The following KCNN1 variants were observed in gnomAD, a reference collection of about 807,000 sequenced individuals.
The protein encoded by KCNN1 is small conductance calcium-activated potassium channel protein 1.
A neutral mutation model predicts 44.7 loss-of-function variants in KCNN1; 20 were observed. That is an observed-to-expected ratio of 0.45 (90% CI 0.32 to 0.65). The LOEUF (loss-of-function observed/expected upper bound fraction) is 0.65. KCNN1 is among the 30% of genes least tolerant of loss of function. KCNN1 has a pLI of 0.05. For missense variants in KCNN1, 632 were observed against 785.3 expected (o/e 0.80, Z 2.33); for synonymous variants, 324 against 341.7 (o/e 0.95, Z 0.57).
At chr19:17,989,969 A>G in intron 7 of KCNN1, 126 bp downstream of exon 7, 1 of 1,363,876 alleles carries the variant, frequency 7.3e-7, no homozygotes, top group South Asian at 1.2e-5. Flanking sequence ...TGGGGCCTGC[A>G]TCTTCTGAGC....
At chr19:17,978,424 G>A (rs996014137) in intron 3 of KCNN1, among the ~76,000 whole-genome samples, 1 of 117,032 alleles carries the variant, frequency 8.5e-6, no homozygotes. Flanking sequence ...TGCCCAGCCT[G>A]TTTTTTTTTT....
At chr19:17,971,030 CCCA>C (rs2032004373) in intron 1 of KCNN1, among the ~76,000 whole-genome samples, 2 of 151,866 alleles carry the variant, frequency 1.3e-5, no homozygotes, top group Admixed American at 1.3e-4. Context: ...ATTACAGGTG[CCCA>C]CCACCACACC....
intron 9 of KCNN1, among the ~76,000 whole-genome samples, chr19:17,994,076 T>C (rs1470691269): frequency 1.3e-5 from 2 of 152,290 alleles, no homozygotes; most frequent in East Asian, 1.9e-4. Flanking sequence ...ATTCAAATGA[T>C]AGCCTTGGGA....
rs376715013 is a variant in KCNN1, at chr19:17,982,066, C to A, written c.856C>A (p.Leu286Met). The change falls in exon 4 of 10, where the codon CTG (leucine) becomes ATG (methionine). Residue 286 changes from leucine to methionine, a missense_variant. By Grantham distance (15) the Leu-to-Met change is conservative. Transcript: ENST00000684775. ...CATGACCATCTGCCCCGGCACCGTG[C>A]TGCTGGTCTTCAGCATCTCCTCCTG... ...TLMTICPGTVLLVFSISSWII... is the reference protein window; with the variant it reads ...TLMTICPGTVMLVFSISSWII... The A allele has an allele frequency of 6.2e-7, 1 of 1,607,552 alleles. No individual in the cohort carries two copies. Among genetic ancestry groups the A allele is most frequent in the Middle Eastern group, 1.7e-4 (1 of 6,056 alleles).
At chr19:17,977,615 G>A (rs1403831031) in intron 3 of KCNN1, among the ~76,000 whole-genome samples, 3 of 151,976 alleles carry the variant, frequency 2.0e-5, no homozygotes, top group Non-Finnish European at 4.4e-5. Flanking sequence ...CTCCCAAAGT[G>A]CTGAGATTTC....
intron 1 of KCNN1, among the ~76,000 whole-genome samples, chr19:17,971,314 C>A (rs1195472545): frequency 3.3e-5 from 5 of 152,178 alleles, no homozygotes; most frequent in African/African-American, 1.2e-4. Context: ...CATGGGGGAC[C>A]CCTAGTGCAT....
At chr19:17,989,180 G>A (rs916717687) in intron 6 of KCNN1, among the ~76,000 whole-genome samples, 2 of 152,130 alleles carry the variant, frequency 1.3e-5, no homozygotes, top group African/African-American at 2.4e-5. Context: ...CATCATGGCC[G>A]GGCGCGGTGG....
At chr19:17,955,562 CA>C (rs58125650) in intron 2 of KCNN1, among the ~76,000 whole-genome samples, 181 of 54,198 alleles carry the variant, frequency 3.3e-3, no homozygotes, top group East Asian at 9.1e-3. Flanking sequence ...ACTCCATCTC[CA>C]AAAAAAAAAA....
At chr19:17,989,685 C>G (rs1363580749) in intron 6 of KCNN1, 31 bp from the exon 7 acceptor site, 1 of 1,613,524 alleles carries the variant, frequency 6.2e-7, no homozygotes, top group African/African-American at 1.3e-5. Context: ...TTCGCGCCAA[C>G]CCTGAGGAAT....
intron 4 of KCNN1, among the ~76,000 whole-genome samples, chr19:17,984,055 C>T (rs892726456): frequency 4.0e-5 from 6 of 151,522 alleles, no homozygotes; most frequent in East Asian, 1.9e-4. Flanking sequence ...CCCAGCTACT[C>T]GGGAGGCTGA....
chr19:17,965,429 G>A (rs1042829048), upstream of KCNN1, among the ~76,000 whole-genome samples: 1 of 152,122 alleles, frequency 6.6e-6, no homozygotes, highest in African/African-American at 2.4e-5. Flanking sequence ...TGTGGTTCAG[G>A]GATGTGCCCA....
chr19:17,982,038 A>G lies in KCNN1; in HGVS notation c.828A>G (p.Thr276=), dbSNP rs1285694952. ...TCAACACGCGCTTCGTCATGAAGAC[A>G]CTCATGACCATCTGCCCCGGCACCG... ...ITFNTRFVMK[T]LMTICPGTVL... Residue 276 remains threonine (T), a synonymous_variant, in exon 4 of 10, where the codon ACA becomes ACG. Transcript: ENST00000684775. 4.3e-6 allele frequency: 7 copies of G among 1,609,372 alleles called. No individual in the cohort carries two copies. In the East Asian group the frequency reaches 6.7e-5, roughly 15 times the overall value.
At position 17,981,931 on chromosome 19, in the gene KCNN1, C is replaced by G. The variant is rs1568455184; in HGVS notation, c.721C>G (p.Leu241Val). ...CCCCATGTTCCTGCGCCTCTACCTG[C>G]TGGGCCGGGTGATGCTACTGCACAG... ...SIPMFLRLYL[L>V]GRVMLLHSKI... is the part of the protein sequence containing the mutation. The change falls in exon 4 of 10, where the codon CTG becomes GTG. Residue 241 changes from leucine (L) to valine (V), a missense_variant. Coordinates refer to ENST00000684775, the MANE Select transcript of KCNN1 (RefSeq NM_001386974.1). 6.2e-7 allele frequency: 1 copy of G among 1,612,878 alleles called. No individual in the cohort carries two copies.
chr19:17,957,717 C>G (rs8107891), intron 2 of KCNN1, among the ~76,000 whole-genome samples: 29,375 of 151,974 alleles, frequency 0.19, 3,059 homozygotes, highest in East Asian at 0.37. Flanking sequence ...AGGAACTCAG[C>G]GGCTGCAGTG....
chr19:17,984,891 T>C (rs1007555255), intron 4 of KCNN1, among the ~76,000 whole-genome samples: 1 of 152,050 alleles, frequency 6.6e-6, no homozygotes. Flanking sequence ...CAGGTGGTGA[T>C]CCTCCAGCCT....
intron 6 of KCNN1, among the ~76,000 whole-genome samples, chr19:17,989,129 G>T (rs1398689893): frequency 1.3e-5 from 2 of 152,114 alleles, no homozygotes; most frequent in Non-Finnish European, 2.9e-5. Context: ...TAGAAAATCA[G>T]GGAAATAAAA....
chr19:17,982,481 A>AC, intron 4 of KCNN1: 1 of 884,008 alleles, frequency 1.1e-6, no homozygotes, highest in Non-Finnish European at 1.4e-6. Context: ...CAGCAGGCAC[A>AC]GGGATGCCTC....
In KCNN1 at chr19:17,993,084, T is replaced by TG; in HGVS notation, c.1307+24dup. 1 of 1,613,502 alleles carries TG rather than the reference T, an allele frequency of 6.2e-7. No homozygotes were observed. The highest frequency in any genetic ancestry group is 8.5e-7 in the Non-Finnish European group (1 of 1,179,722). Reference sequence around the variant, plus strand: ...AGAAGTAAGTGTTCTCCCAGGGGCTTGGTGGGGCTGGGAAATCGGGGGTGC... The same window carrying TG: ...AGAAGTAAGTGTTCTCCCAGGGGCTTGGGTGGGGCTGGGAAATCGGGGGTGC... On this transcript the variant is annotated intron_variant, in intron 8 of 9. Coordinates refer to ENST00000684775, the MANE Select transcript of KCNN1 (RefSeq NM_001386974.1). The surrounding 1 kb of genome is among the most constrained non-coding windows in gnomAD (Gnocchi z 4.5).
chr19:17,981,735 T>C lies in KCNN1; in HGVS notation c.525T>C (p.Asp175=). 1 of 1,595,390 alleles carries C rather than the reference T, an allele frequency of 6.3e-7. No homozygotes were observed. Among genetic ancestry groups the C allele is most frequent in the Non-Finnish European group, 8.6e-7 (1 of 1,166,936 alleles). ...TGTTCATGGTGGACAACGGGGCTGA[T>C]GACTGGCGCATCGCCATGACCTGCG... ...IQLFMVDNGA[D]DWRIAMTCER... Residue 175 remains aspartate (D), a synonymous_variant, in exon 4 of 10, where the codon GAT becomes GAC. Transcript: ENST00000684775.
Sources: allele counts gnomAD v4.1 joint callset (sites outside exome capture counted in the v4.1 genomes callset), GRCh38; gene constraint gnomAD v4.1.1; non-coding constraint Gnocchi (gnomAD v3.1); transcripts MANE v1.5; gene names NCBI Gene and HGNC (gene_info 2026-07-23, HGNC 2026-07-21).